The following TRPC5 variants were observed in gnomAD, a reference collection of about 807,000 sequenced individuals.
The protein encoded by TRPC5 is transient receptor potential cation channel subfamily C member 5, also known as short transient receptor potential channel 5.
A neutral mutation model predicts 56.5 loss-of-function variants in TRPC5; 9 were observed. That is an observed-to-expected ratio of 0.16 (90% CI 0.10 to 0.28). The LOEUF is 0.28. Ranked by LOEUF, TRPC5 falls within the 10% of genes least tolerant of loss-of-function variation. The pLI, the probability that TRPC5 is intolerant of heterozygous loss-of-function variation, is 1.00. For missense variants in TRPC5, 469 were observed against 748.9 expected (o/e 0.63, Z 4.36); for synonymous variants, 282 against 278.5 (o/e 1.01, Z -0.13).
At chrX:112,025,307 G>A (rs141319163) in intron 1 of TRPC5, among the ~76,000 whole-genome samples, 1,209 of 111,886 alleles carry the variant, frequency 0.011, 14 homozygotes, top group African/African-American at 0.038. Flanking sequence ...AGAAAAATTA[G>A]CCAGTTATGC....
intron 1 of TRPC5, among the ~76,000 whole-genome samples, chrX:112,036,441 T>C (rs1016776412): frequency 7.2e-5 from 8 of 111,854 alleles, no homozygotes; most frequent in East Asian, 2.8e-4. Context: ...AATCCTTTGA[T>C]AAGGTCTGTT....
intron 1 of TRPC5, among the ~76,000 whole-genome samples, chrX:111,993,510 T>G (rs1408388809): frequency 8.9e-6 from 1 of 112,222 alleles, no homozygotes; most frequent in Admixed American, 9.4e-5. Context: ...CAATTTACAC[T>G]CCCACCAACA....
chrX:111,776,081 G>A lies in TRPC5; in HGVS notation c.*232C>T, dbSNP rs1319185636. ...ATTAGGTGCAACACCCCTTCAGTCG[G>A]TTGTAAGATGGACTTAGTGTGTATA... On this transcript the variant is annotated 3_prime_UTR_variant, in exon 11 of 11. Transcript: ENST00000262839. 1.9e-5 allele frequency: 6 copies of A among 308,412 alleles called. No homozygotes were observed. Among genetic ancestry groups the A allele is most frequent in the Non-Finnish European group, 3.4e-5 (6 of 178,275 alleles). 25.4% of individuals were successfully genotyped at this position (308,412 alleles called of 1,213,427 possible). A position where few individuals can be genotyped will look rare whatever the true frequency, so the allele number is the denominator to read the frequency against.
chrX:111,820,067 T>C (rs1921984740), intron 7 of TRPC5, among the ~76,000 whole-genome samples: 1 of 112,157 alleles, frequency 8.9e-6, no homozygotes, highest in African/African-American at 3.2e-5. Flanking sequence ...AAATCCATCA[T>C]CTAGGTAGAT....
At chrX:111,910,011 A>G (rs953361685) in intron 3 of TRPC5, among the ~76,000 whole-genome samples, 3 of 111,801 alleles carry the variant, frequency 2.7e-5, no homozygotes, top group Non-Finnish European at 5.6e-5. Context: ...ACAGAAGGTG[A>G]CCTACCAACA....
In TRPC5 at chrX:112,047,862, T is replaced by C. The variant is rs143263897; in HGVS notation, c.-22+34017A>G. On this transcript the variant is annotated intron_variant, in intron 1 of 10. Transcript: ENST00000262839. ...TGTCTAATCTAAAGAAAGACTGTTC[T>C]TATCTTTCACAGTGTTTGATATTTA... 7.7e-3 allele frequency among the ~76,000 whole-genome samples: 868 copies of C among 112,044 alleles called. 14 individuals are homozygous for C. Among genetic ancestry groups the C allele is most frequent in the African/African-American group, 0.027 (832 of 30,798 alleles).
At position 111,768,451 on chromosome X, in the gene TRPC5, A is replaced by G. The variant is rs1046921516; in HGVS notation, c.*7862T>C. ...AACTCCCATCCCTAATTTCAACCCC[A>G]TTTTTGAGAAATATGGAATAAATAG... On this transcript the variant is annotated 3_prime_UTR_variant, in exon 11 of 11. Coordinates refer to ENST00000262839, the MANE Select transcript of TRPC5 (RefSeq NM_012471.3). Among the ~76,000 whole-genome samples, 5 of 111,775 alleles carry G rather than the reference A, an allele frequency of 4.5e-5. No homozygotes were observed. The Admixed American group carries it at 4.7e-4, about 11-fold the overall frequency.
rs781015721 is a variant in TRPC5, at chrX:111,768,976, G to T, written c.*7337C>A. On this transcript the variant is annotated 3_prime_UTR_variant, in exon 11 of 11. Coordinates refer to ENST00000262839, the MANE Select transcript of TRPC5 (RefSeq NM_012471.3). ...CTACAAGGTGTGGCCACAACATGAT[G>T]AGGCTATACTTTAAATACCATGACT... 8.9e-6 allele frequency among the ~76,000 whole-genome samples: 1 copy of T among 112,044 alleles called. No individual in the cohort carries two copies. Among genetic ancestry groups the T allele is most frequent in the Admixed American group, 9.5e-5 (1 of 10,561 alleles).
At chrX:111,923,477 C>A (rs1926177636) in intron 2 of TRPC5, among the ~76,000 whole-genome samples, 1 of 111,740 alleles carries the variant, frequency 8.9e-6, no homozygotes, top group Non-Finnish European at 1.9e-5. Context: ...TTTGATAAAA[C>A]CTGGAAAGGC....
At chrX:111,838,210 G>T (rs1922625000) in intron 6 of TRPC5, among the ~76,000 whole-genome samples, 1 of 111,889 alleles carries the variant, frequency 8.9e-6, no homozygotes, top group Non-Finnish European at 1.9e-5. Context: ...AGGGGAAAAT[G>T]GGGAGGGATA....
intron 1 of TRPC5, among the ~76,000 whole-genome samples, chrX:112,069,820 A>G (rs1292089669): frequency 1.8e-5 from 2 of 110,943 alleles, no homozygotes; most frequent in Non-Finnish European, 3.8e-5. Flanking sequence ...TTTTATTTGG[A>G]TTTATCCTGG....
At position 111,781,145 on chromosome X, in the gene TRPC5, T is replaced by A. The variant is rs963440923; in HGVS notation, c.2142+20A>T. On this transcript the variant is annotated intron_variant, in intron 9 of 10. Transcript: ENST00000262839. ...ACCAGCCAACAACTATTGTGCTTCATCCCTGTGAGGAAGCTTTACCTGATA... is the reference window on the plus strand; with the variant it reads ...ACCAGCCAACAACTATTGTGCTTCAACCCTGTGAGGAAGCTTTACCTGATA... 4 of 1,203,106 alleles carry A rather than the reference T, an allele frequency of 3.3e-6. No homozygotes were observed. The African/African-American group carries it at 7.0e-5, about 21-fold the overall frequency.
At chrX:112,041,863 T>A (rs1929901623) in intron 1 of TRPC5, among the ~76,000 whole-genome samples, 1 of 111,636 alleles carries the variant, frequency 9.0e-6, no homozygotes, top group African/African-American at 3.3e-5. Flanking sequence ...AGGAAAGAAA[T>A]CAATGTGTTT....
chrX:111,884,117 G>A (rs193097065), intron 3 of TRPC5, among the ~76,000 whole-genome samples: 216 of 112,570 alleles, frequency 1.9e-3, no homozygotes, highest in African/African-American at 6.7e-3. Flanking sequence ...ACTAGTTAAG[G>A]TATAGCCAGG....
intron 1 of TRPC5, among the ~76,000 whole-genome samples, chrX:112,072,329 A>G (rs1437229963): frequency 8.9e-6 from 1 of 112,145 alleles, no homozygotes; most frequent in Non-Finnish European, 1.9e-5. Context: ...TCTTAGAACC[A>G]TGCCTTTGAT....
intron 2 of TRPC5, among the ~76,000 whole-genome samples, chrX:111,942,479 G>T (rs1232212667): frequency 1.8e-5 from 2 of 111,841 alleles, no homozygotes; most frequent in Middle Eastern, 4.6e-3. Context: ...TGGGGTGGTA[G>T]AAAGAGTAGC....
intron 2 of TRPC5, among the ~76,000 whole-genome samples, chrX:111,942,291 G>A (rs1926802109): frequency 8.9e-6 from 1 of 112,186 alleles, no homozygotes; most frequent in African/African-American, 3.2e-5. Flanking sequence ...TTGATTGTGA[G>A]GCATATGATT....
intron 1 of TRPC5, among the ~76,000 whole-genome samples, chrX:112,074,777 A>C (rs774164003): frequency 2.3e-4 from 26 of 112,354 alleles, no homozygotes; most frequent in Non-Finnish European, 4.5e-4. Flanking sequence ...CATTCCCAAC[A>C]GTGCCTTCCA....
At chrX:111,901,702 A>T in intron 3 of TRPC5, 1 of 414,065 alleles carries the variant, frequency 2.4e-6, no homozygotes, top group South Asian at 5.2e-5. Context: ...TCTTTACTTG[A>T]TCACCATCAT....
Sources: allele counts gnomAD v4.1 joint callset (sites outside exome capture counted in the v4.1 genomes callset), GRCh38; gene constraint gnomAD v4.1.1; transcripts MANE v1.5; gene names NCBI Gene and HGNC (gene_info 2026-07-23, HGNC 2026-07-21).